The following UGT2A1 variants were observed in gnomAD, a reference collection of about 807,000 sequenced individuals.
UGT2A1 encodes the protein UDP glucuronosyltransferase family 2 member A1 complex locus.
In UGT2A1, 61 loss-of-function variants were observed where a neutral mutation model predicts 45.4. The ratio of observed to expected loss-of-function variants is 1.34; its 90% CI spans 1.09 to 1.66. The LOEUF is 1.66. Among genes scored for constraint, UGT2A1 ranks in the 40% most tolerant of loss-of-function variants. UGT2A1 has a pLI of 0.00. For synonymous variants in UGT2A1, 229 were observed against 196.2 expected, an observed-to-expected ratio of 1.17 and a Z score of -1.40; for missense variants, 649 against 574.3, an observed-to-expected ratio of 1.13 and a Z score of -1.33.
intron 3 of UGT2A1, among the ~76,000 whole-genome samples, chr4:69,629,381 C>T (rs746796228): frequency 6.6e-6 from 1 of 152,028 alleles, no homozygotes; most frequent in Non-Finnish European, 1.5e-5. Context: ...ATACCTGGCT[C>T]CTAAGAGCTG....
chr4:69,609,682 C>G (rs1719914155), intron 3 of UGT2A1, among the ~76,000 whole-genome samples: 1 of 131,096 alleles, frequency 7.6e-6, no homozygotes, highest in Non-Finnish European at 1.7e-5. Flanking sequence ...ATACCTATAC[C>G]CACACCTATA....
chr4:69,607,449 C>T (rs1318486551), intron 3 of UGT2A1, among the ~76,000 whole-genome samples: 1 of 151,854 alleles, frequency 6.6e-6, no homozygotes, highest in Non-Finnish European at 1.5e-5. Flanking sequence ...CATGTTAGAC[C>T]TAAAACCATA....
chr4:69,639,553 C>A (rs963315167), intron 2 of UGT2A1: 1 of 1,612,786 alleles, frequency 6.2e-7, no homozygotes, highest in South Asian at 1.1e-5. Context: ...AACACATTCC[C>A]ACTTAGAACA....
At chr4:69,634,665 T>G (rs1721578982) in intron 3 of UGT2A1, among the ~76,000 whole-genome samples, 1 of 152,088 alleles carries the variant, frequency 6.6e-6, no homozygotes, top group African/African-American at 2.4e-5. Context: ...AAGAGAAGAA[T>G]AATATAATAA....
intron 3 of UGT2A1, among the ~76,000 whole-genome samples, chr4:69,622,084 T>G (rs1720788024): frequency 6.6e-6 from 1 of 151,818 alleles, no homozygotes; most frequent in Non-Finnish European, 1.5e-5. Flanking sequence ...GGTCATGGAA[T>G]AGTCAGTACA....
In UGT2A1 at chr4:69,647,456, T is replaced by C. The variant is rs1436533270; in HGVS notation, c.189A>G (p.Pro63=). The part of the protein sequence containing the change: ...LVASGALFIT[P]TSNPSLTFEI... ...CAAATGTCAGAGATGGGTTAGAGGTTGGTGTGATGAAAAGTGCACCAGAGG... is the reference window on the plus strand; with the variant it reads ...CAAATGTCAGAGATGGGTTAGAGGTCGGTGTGATGAAAAGTGCACCAGAGG... Residue 63 remains proline, a synonymous_variant, in exon 2 of 7, where the codon CCA becomes CCG. Transcript: ENST00000286604. 7.4e-6 allele frequency: 12 copies of C among 1,612,926 alleles called. No homozygotes were observed. Among genetic ancestry groups the C allele is most frequent in the Non-Finnish European group, 9.3e-6 (11 of 1,179,390 alleles).
intron 3 of UGT2A1, among the ~76,000 whole-genome samples, chr4:69,617,209 T>C (rs1720454991): frequency 6.6e-6 from 1 of 152,054 alleles, no homozygotes; most frequent in East Asian, 1.9e-4. Flanking sequence ...CTAAATGTAG[T>C]CCTTAGGTTA....
intron 2 of UGT2A1, among the ~76,000 whole-genome samples, chr4:69,642,679 C>G (rs913119004): frequency 5.3e-5 from 8 of 151,446 alleles, no homozygotes; most frequent in African/African-American, 1.9e-4. Flanking sequence ...ATCTAGATTT[C>G]TTATTTACTA....
chr4:69,648,311 A>G (rs1423175909), intron 1 of UGT2A1, among the ~76,000 whole-genome samples: 1 of 150,850 alleles, frequency 6.6e-6, no homozygotes, highest in African/African-American at 2.4e-5. Flanking sequence ...TTAATCCTCA[A>G]GAAAATATTA....
chr4:69,613,570 A>G (rs948845161), intron 3 of UGT2A1, among the ~76,000 whole-genome samples: 2 of 152,018 alleles, frequency 1.3e-5, no homozygotes, highest in Non-Finnish European at 2.9e-5. Context: ...AGACACAAAC[A>G]TCTTAACAAA....
At chr4:69,599,032 C>A (rs775416442) in intron 4 of UGT2A1, among the ~76,000 whole-genome samples, 8 of 152,054 alleles carry the variant, frequency 5.3e-5, no homozygotes, top group Non-Finnish European at 1.2e-4. Context: ...TAACACACAG[C>A]TTTAATCATT....
At chr4:69,605,318 A>T (rs1359303924) in intron 3 of UGT2A1, among the ~76,000 whole-genome samples, 1 of 137,084 alleles carries the variant, frequency 7.3e-6, no homozygotes, top group East Asian at 2.1e-4. Context: ...CTCCTGAATG[A>T]CTACTGGGTA....
chr4:69,607,953 C>A (rs1719760468), intron 3 of UGT2A1, among the ~76,000 whole-genome samples: 1 of 152,178 alleles, frequency 6.6e-6, no homozygotes. Context: ...GAAATAGGAA[C>A]ACTTTTACAC....
chr4:69,596,375 C>A, intron 4 of UGT2A1: 1 of 1,591,550 alleles, frequency 6.3e-7, no homozygotes. Context: ...ATAAATTCTT[C>A]CATTTCCTGC....
chr4:69,621,254 C>A (rs781748545), intron 3 of UGT2A1, among the ~76,000 whole-genome samples: 4 of 151,916 alleles, frequency 2.6e-5, no homozygotes, highest in Non-Finnish European at 4.4e-5. Flanking sequence ...ATGCATCTGA[C>A]AAAGATCTAA....
At chr4:69,628,512 T>C (rs1400666349) in intron 3 of UGT2A1, among the ~76,000 whole-genome samples, 1 of 151,442 alleles carries the variant, frequency 6.6e-6, no homozygotes, top group East Asian at 1.9e-4. Flanking sequence ...AGTAGTCTCT[T>C]CAATAAATGA....
chr4:69,622,286 A>G (rs1031315050), intron 3 of UGT2A1, among the ~76,000 whole-genome samples: 3 of 151,896 alleles, frequency 2.0e-5, no homozygotes, highest in African/African-American at 7.2e-5. Context: ...AATATAATGT[A>G]TAACACCACA....
At chr4:69,598,594 C>T (rs1719070348) in intron 4 of UGT2A1, among the ~76,000 whole-genome samples, 1 of 152,030 alleles carries the variant, frequency 6.6e-6, no homozygotes, top group Non-Finnish European at 1.5e-5. Context: ...CTAATGCTTC[C>T]TGCTTGAATT....
At chr4:69,615,693 A>G (rs1577971854) in intron 3 of UGT2A1, among the ~76,000 whole-genome samples, 1 of 151,932 alleles carries the variant, frequency 6.6e-6, no homozygotes, top group South Asian at 2.1e-4. Flanking sequence ...AATGGCTTTT[A>G]CCACCCTGAC....
Sources: gnomAD v4.1 joint callset for allele counts (sites outside exome capture counted in the v4.1 genomes callset) on GRCh38, gnomAD v4.1.1 for gene constraint, MANE v1.5 for transcripts, NCBI Gene and HGNC (gene_info 2026-07-23, HGNC 2026-07-21) for gene names.